The following WWP1 variants were observed in gnomAD, a reference collection of about 807,000 sequenced individuals.
The protein encoded by WWP1 is WW domain containing E3 ubiquitin protein ligase 1.
A neutral mutation model predicts 130.6 loss-of-function variants in WWP1; 49 were observed. That is an observed-to-expected ratio of 0.38 (90% CI 0.30 to 0.48). The LOEUF is 0.48. WWP1 is among the 20% of genes least tolerant of loss of function. The pLI is 0.99. For synonymous variants in WWP1, 332 were observed against 367.8 expected, an observed-to-expected ratio of 0.90 and a Z score of 1.11; for missense variants, 809 against 1,100.6, an observed-to-expected ratio of 0.74 and a Z score of 3.75.
Position 86,342,811 on chromosome 8 carries a change from T to C in WWP1, c.-234T>C, listed in dbSNP as rs1347885131. 3.3e-5 allele frequency: 12 copies of C among 366,836 alleles called. No homozygotes were observed. Among genetic ancestry groups the C allele is most frequent in the Non-Finnish European group, 5.8e-5 (12 of 205,732 alleles). The allele number at this position is 366,836 out of a possible 1,614,324, so 22.7% of individuals were successfully genotyped here. A position where few individuals can be genotyped will look rare whatever the true frequency, so the allele number is the denominator to read the frequency against. The stretch of plus-strand genomic sequence containing the variant: ...CCGGGGCCGACGCCTGGGTGGCTGC[T>C]GCCGCCGCGCCTGCTGCGAGATGGC... On this transcript the variant is annotated 5_prime_UTR_variant, in exon 1 of 25. Transcript: ENST00000517970.
chr8:86,444,842 G>A (rs1049810184), intron 18 of WWP1, among the ~76,000 whole-genome samples: 12 of 152,176 alleles, frequency 7.9e-5, no homozygotes, highest in African/African-American at 2.9e-4. Context: ...AATGGGAGGA[G>A]AATAAAACAT....
intron 5 of WWP1, among the ~76,000 whole-genome samples, chr8:86,383,182 AT>A (rs79056520): frequency 0.73 from 110,286 of 150,386 alleles, 41,183 homozygotes; most frequent in African/African-American, 0.83. Context: ...ATGCCATGGC[AT>A]TTTTTTTTTT....
intron 1 of WWP1, among the ~76,000 whole-genome samples, chr8:86,366,969 A>G (rs1313705764): frequency 1.3e-5 from 2 of 152,100 alleles, no homozygotes; most frequent in Non-Finnish European, 2.9e-5. Context: ...TATGCTTTGG[A>G]GTTGCTCTAT....
At chr8:86,350,963 A>T (rs769537066) in intron 1 of WWP1, among the ~76,000 whole-genome samples, 16 of 152,256 alleles carry the variant, frequency 1.1e-4, no homozygotes, top group Middle Eastern at 3.4e-3. Context: ...AACAAACTAG[A>T]TTGTTCTTCT....
chr8:86,385,755 G>GT (rs1304375890), intron 5 of WWP1, among the ~76,000 whole-genome samples: 1 of 152,084 alleles, frequency 6.6e-6, no homozygotes, highest in Non-Finnish European at 1.5e-5. Flanking sequence ...ATTCACTTGT[G>GT]TTTTTTTCAG....
chr8:86,370,809 CT>C (rs1156770500), intron 2 of WWP1, among the ~76,000 whole-genome samples: 1 of 116,364 alleles, frequency 8.6e-6, no homozygotes, highest in Non-Finnish European at 1.8e-5. Flanking sequence ...CTTACTTGTT[CT>C]TTTTCTTAGA....
chr8:86,359,477 T>A (rs1188986647), intron 1 of WWP1, among the ~76,000 whole-genome samples: 1 of 152,202 alleles, frequency 6.6e-6, no homozygotes, highest in African/African-American at 2.4e-5. Context: ...GAATTTTGTC[T>A]ATTCTCATTG....
chr8:86,392,368 G>A (rs1807396013), intron 5 of WWP1, among the ~76,000 whole-genome samples: 1 of 152,166 alleles, frequency 6.6e-6, no homozygotes, highest in African/African-American at 2.4e-5. Flanking sequence ...TCAATTTTGA[G>A]GCGGAGAGAA....
At chr8:86,344,154 A>G (rs1379119413) in intron 1 of WWP1, among the ~76,000 whole-genome samples, 1 of 152,222 alleles carries the variant, frequency 6.6e-6, no homozygotes, top group Admixed American at 6.5e-5. Flanking sequence ...AATGGTTAGT[A>G]TTTTAAAAAA....
intron 20 of WWP1, among the ~76,000 whole-genome samples, chr8:86,451,858 T>A (rs1811194090): frequency 6.6e-6 from 1 of 152,206 alleles, no homozygotes; most frequent in African/African-American, 2.4e-5. Context: ...ATTTTCTTCC[T>A]TATTTCCTTT....
intron 7 of WWP1, among the ~76,000 whole-genome samples, chr8:86,399,850 T>C (rs536432049): frequency 6.6e-6 from 1 of 152,148 alleles, no homozygotes; most frequent in Non-Finnish European, 1.5e-5. Context: ...ATCATTTCAG[T>C]CTTTACCTGC....
At position 86,427,636 on chromosome 8, in the gene WWP1, G is replaced by T. The variant is rs764997576; in HGVS notation, c.1158-7G>T. On this transcript the variant is annotated splice_polypyrimidine_tract_variant and splice_region_variant and intron_variant, in intron 10 of 24. Coordinates refer to ENST00000517970, the MANE Select transcript of WWP1 (RefSeq NM_007013.4). The stretch of plus-strand genomic sequence containing the variant: ...GATTATTGTTTATTATTGTTTACTT[G>T]TGGTAGTTGGGAAAGAAGAGTTGAT... The T allele has an allele frequency of 2.9e-5, 46 of 1,589,756 alleles. No individual in the cohort carries two copies. The highest frequency in any genetic ancestry group is 4.5e-5 in the East Asian group (2 of 44,242).
Position 86,425,252 on chromosome 8 carries a change from G to C in WWP1, c.1091G>C (p.Arg364Thr), listed in dbSNP as rs1264775874. Reference sequence around the variant, plus strand: ...GAACAAAGAAAAGATCCTCATGGTAGAACCTATTATGTGGATCATAATACT... The same window carrying C: ...GAACAAAGAAAAGATCCTCATGGTACAACCTATTATGTGGATCATAATACT... ...GWEQRKDPHG[R>T]TYYVDHNTRT... The change falls in exon 10 of 25, where the codon AGA (arginine) becomes ACA (threonine). Residue 364 changes from arginine (R) to threonine (T), a missense_variant. Coordinates refer to ENST00000517970, the MANE Select transcript of WWP1 (RefSeq NM_007013.4). 1 of 1,612,514 alleles carries C rather than the reference G, an allele frequency of 6.2e-7. No homozygotes were observed. The highest frequency in any genetic ancestry group is 1.3e-5 in the African/African-American group (1 of 74,850).
intron 18 of WWP1, among the ~76,000 whole-genome samples, chr8:86,444,611 G>A (rs1810763239): frequency 6.6e-6 from 1 of 152,146 alleles, no homozygotes; most frequent in South Asian, 2.1e-4. Context: ...GTTTCAAGAA[G>A]GAAGACATGG....
At chr8:86,407,723 T>C in intron 8 of WWP1, among the ~76,000 whole-genome samples, 1 of 152,208 alleles carries the variant, frequency 6.6e-6, no homozygotes, top group African/African-American at 2.4e-5. Flanking sequence ...TAAGAGTTTT[T>C]TTTAAATTAA....
intron 8 of WWP1, among the ~76,000 whole-genome samples, chr8:86,410,721 T>C (rs966752677): frequency 1.4e-4 from 20 of 142,004 alleles, no homozygotes; most frequent in African/African-American, 5.3e-4. Context: ...TTTTTTTTTC[T>C]GTATCTGGAA....
intron 5 of WWP1, among the ~76,000 whole-genome samples, chr8:86,397,932 G>C (rs546142522): frequency 6.6e-6 from 1 of 152,110 alleles, no homozygotes; most frequent in East Asian, 1.9e-4. Flanking sequence ...AAGAAACCAA[G>C]GCTTAAAGAT....
At chr8:86,458,740 G>A (rs1811589650) in intron 22 of WWP1, among the ~76,000 whole-genome samples, 1 of 152,066 alleles carries the variant, frequency 6.6e-6, no homozygotes, top group Non-Finnish European at 1.5e-5. Context: ...TTGTGTTATA[G>A]TACACTTTCC....
Position 86,458,063 on chromosome 8 carries a change from C to T in WWP1, c.2499+38C>T, listed in dbSNP as rs371945475. ...ATCTTTTTTGAAACAAAGTACTCAACATATTTTCTAATGAAATGGTGGTTT... is the reference window on the plus strand; with the variant it reads ...ATCTTTTTTGAAACAAAGTACTCAATATATTTTCTAATGAAATGGTGGTTT... On this transcript the variant is annotated intron_variant, in intron 22 of 24. Transcript: ENST00000517970. 6 of 1,517,322 alleles carry T rather than the reference C, an allele frequency of 4.0e-6. No individual in the cohort carries two copies. In the African/African-American group the frequency reaches 8.3e-5, roughly 21 times the overall value. The allele number at this position is 1,517,322 out of a possible 1,614,324, so 94.0% of individuals were successfully genotyped here.
Sources: gnomAD v4.1 joint callset for allele counts (sites outside exome capture counted in the v4.1 genomes callset) on GRCh38, gnomAD v4.1.1 for gene constraint, MANE v1.5 for transcripts, NCBI Gene and HGNC (gene_info 2026-07-23, HGNC 2026-07-21) for gene names.